ZNF804B: variants seen among roughly 807,000 people sequenced by gnomAD.
ZNF804B encodes the protein zinc finger 804B.
Under a neutral mutation model 101.4 loss-of-function variants are expected in ZNF804B, and 80 were observed. That is an observed-to-expected ratio of 0.79 (90% CI 0.66 to 0.95). ZNF804B has a LOEUF of 0.95. ZNF804B is among the 40% of genes least tolerant of loss of function. The pLI, the probability that ZNF804B is intolerant of heterozygous loss-of-function variation, is 0.00. For synonymous variants in ZNF804B, 622 were observed against 558.8 expected (o/e 1.11, Z -1.59); for missense variants, 1,673 against 1,561.9 (o/e 1.07, Z -1.20).
intron 1 of ZNF804B, among the ~76,000 whole-genome samples, chr7:89,217,429 T>A (rs191871022): frequency 6.6e-6 from 1 of 152,176 alleles, no homozygotes; most frequent in African/African-American, 2.4e-5. Context: ...AATAGAACCT[T>A]ACTCATAGGG....
intron 1 of ZNF804B, among the ~76,000 whole-genome samples, chr7:89,196,460 C>T (rs1788553741): frequency 6.6e-6 from 1 of 152,100 alleles, no homozygotes; most frequent in African/African-American, 2.4e-5. Context: ...CTCCTTACAC[C>T]TTATACAAAA....
chr7:89,214,969 C>T (rs549209959), intron 1 of ZNF804B, among the ~76,000 whole-genome samples: 1 of 152,248 alleles, frequency 6.6e-6, no homozygotes, highest in East Asian at 1.9e-4. Context: ...TTATACAAAA[C>T]ATGAAATTAC....
At chr7:89,163,885 A>T (rs1791104131) in intron 1 of ZNF804B, among the ~76,000 whole-genome samples, 1 of 149,284 alleles carries the variant, frequency 6.7e-6, no homozygotes, top group South Asian at 2.1e-4. Flanking sequence ...TCCCCTTTTC[A>T]TTTTTCTTCC....
intron 1 of ZNF804B, among the ~76,000 whole-genome samples, chr7:89,024,488 A>G (rs780465921): frequency 3.3e-5 from 5 of 152,034 alleles, no homozygotes; most frequent in South Asian, 4.1e-4. Context: ...GTTCACTACA[A>G]AGTCTGGACA....
At chr7:88,847,123 A>G (rs1004689216) in intron 1 of ZNF804B, among the ~76,000 whole-genome samples, 3 of 152,036 alleles carry the variant, frequency 2.0e-5, no homozygotes, top group South Asian at 2.1e-4. Flanking sequence ...AAATTAGTTT[A>G]TTAAATTTAG....
chr7:89,321,627 A>G (rs1790822865), intron 2 of ZNF804B, among the ~76,000 whole-genome samples: 1 of 152,114 alleles, frequency 6.6e-6, no homozygotes, highest in South Asian at 2.1e-4. Flanking sequence ...GCATATAGAA[A>G]AAAGAGAAAA....
chr7:88,923,127 T>G (rs1370696574), intron 1 of ZNF804B, among the ~76,000 whole-genome samples: 1 of 152,098 alleles, frequency 6.6e-6, no homozygotes, highest in Non-Finnish European at 1.5e-5. Context: ...ATAAGATGGT[T>G]GCAGGCTTTC....
chr7:89,220,075 G>A (rs747320291), intron 2 of ZNF804B, among the ~76,000 whole-genome samples: 2 of 99,470 alleles, frequency 2.0e-5, no homozygotes, highest in African/African-American at 8.5e-5. Flanking sequence ...ACATATATGT[G>A]TATATACATA....
chr7:89,088,228 T>C (rs1789835141), intron 1 of ZNF804B, among the ~76,000 whole-genome samples: 1 of 151,962 alleles, frequency 6.6e-6, no homozygotes, highest in Non-Finnish European at 1.5e-5. Flanking sequence ...AAGGCCAAAC[T>C]GAAAGGTGGA....
intron 2 of ZNF804B, among the ~76,000 whole-genome samples, chr7:89,279,010 A>G (rs1375538054): frequency 1.3e-5 from 2 of 152,088 alleles, no homozygotes; most frequent in Non-Finnish European, 2.9e-5. Flanking sequence ...ATTTGTTTGT[A>G]TCCTCTTTAA....
At chr7:88,836,012 A>G (rs1791211093) in intron 1 of ZNF804B, among the ~76,000 whole-genome samples, 1 of 151,924 alleles carries the variant, frequency 6.6e-6, no homozygotes, top group Admixed American at 6.6e-5. Context: ...AGGATGTTGT[A>G]GCAGATATTT....
At chr7:88,947,529 A>C (rs995409790) in intron 1 of ZNF804B, among the ~76,000 whole-genome samples, 1 of 151,208 alleles carries the variant, frequency 6.6e-6, no homozygotes, top group African/African-American at 2.4e-5. Flanking sequence ...GTGGGGGGCT[A>C]GGGGAAGGGA....
intron 1 of ZNF804B, among the ~76,000 whole-genome samples, chr7:89,120,647 G>T: frequency 1.0e-5 from 1 of 98,398 alleles, no homozygotes; most frequent in South Asian, 3.1e-4. Context: ...GACAGAGCGA[G>T]ACTCCGCCTC....
intron 1 of ZNF804B, among the ~76,000 whole-genome samples, chr7:88,872,781 C>T (rs1039326518): frequency 9.3e-5 from 14 of 149,766 alleles, no homozygotes; most frequent in Non-Finnish European, 1.3e-4. Context: ...CATCCATGTC[C>T]CTACAAAGGA....
At chr7:89,171,312 T>G (rs1037955266) in intron 1 of ZNF804B, among the ~76,000 whole-genome samples, 54 of 117,126 alleles carry the variant, frequency 4.6e-4, no homozygotes, top group African/African-American at 1.6e-3. Flanking sequence ...TTCTTCTTCT[T>G]CTTCTTCTTC....
intron 1 of ZNF804B, among the ~76,000 whole-genome samples, chr7:88,846,654 CATTTCCTTTTTGGTATAACATTCTTTTCA>C (rs1446121949): frequency 1.2e-4 from 19 of 152,008 alleles, no homozygotes; most frequent in Admixed American, 1.1e-3. Flanking sequence ...AATGGAGGCC[CATTTCCTTTTTGGTATAACATTCTTTTCA>C]GAGGGAAGAT....
chr7:88,875,016 C>G (rs1251409637), intron 1 of ZNF804B, among the ~76,000 whole-genome samples: 1 of 128,866 alleles, frequency 7.8e-6, no homozygotes, highest in Non-Finnish European at 1.6e-5. Flanking sequence ...CACTCAAAAC[C>G]GCTCAACTAC....
At chr7:88,824,916 A>G (rs1454729353) in intron 1 of ZNF804B, among the ~76,000 whole-genome samples, 1 of 152,190 alleles carries the variant, frequency 6.6e-6, no homozygotes, top group African/African-American at 2.4e-5. Flanking sequence ...TGGGTTATAA[A>G]AGTTCTGAAT....
At chr7:89,100,849 A>G (rs1415449068) in intron 1 of ZNF804B, among the ~76,000 whole-genome samples, 4 of 152,036 alleles carry the variant, frequency 2.6e-5, no homozygotes, top group Admixed American at 6.6e-5. Context: ...ATAAATACAT[A>G]TACCCACTAT....
Sources: allele counts gnomAD v4.1 joint callset (sites outside exome capture counted in the v4.1 genomes callset), GRCh38; gene constraint gnomAD v4.1.1; transcripts MANE v1.5; gene names NCBI Gene and HGNC (gene_info 2026-07-23, HGNC 2026-07-21).